Variants in LRRC49 observed in about 807,000 individuals in gnomAD.
LRRC49 encodes the protein leucine rich repeat containing 49, also known as leucine-rich repeat-containing protein 49.
Under a neutral mutation model 83.3 loss-of-function variants are expected in LRRC49, and 50 were observed. That is an observed-to-expected ratio of 0.60 (90% CI 0.48 to 0.76). The LOEUF (loss-of-function observed/expected upper bound fraction) is 0.76. Among genes scored for constraint, LRRC49 ranks in the 30% least tolerant of loss-of-function variants. The pLI is 0.00. For synonymous variants in LRRC49, 286 were observed against 283.3 expected, an observed-to-expected ratio of 1.01 and a Z score of -0.10; for missense variants, 704 against 809.1, an observed-to-expected ratio of 0.87 and a Z score of 1.58.
In LRRC49 at chr15:70,928,553, T is replaced by A. The variant is rs28679455; in HGVS notation, c.712-8208T>A. On this transcript the variant is annotated intron_variant, in intron 7 of 15. Coordinates refer to ENST00000260382, the MANE Select transcript of LRRC49 (RefSeq NM_017691.5). ...TTTCATTTATTTATTTATTTATTTA[T>A]TTAATTTTCTTTTATTTATTTATTT... Among the ~76,000 whole-genome samples, 1,277 of 151,690 alleles carry A rather than the reference T, an allele frequency of 8.4e-3. 21 individuals carry two copies. Among genetic ancestry groups the A allele is most frequent in the African/African-American group, 0.029 (1,212 of 41,338 alleles).
intron 4 of LRRC49, among the ~76,000 whole-genome samples, chr15:70,902,837 G>A (rs1034942125): frequency 3.9e-5 from 6 of 152,186 alleles, no homozygotes; most frequent in African/African-American, 1.4e-4. Context: ...AGCAACTCAG[G>A]AGTTTTGTAG....
At chr15:71,026,016 T>C (rs576219307) in intron 14 of LRRC49, among the ~76,000 whole-genome samples, 10 of 152,226 alleles carry the variant, frequency 6.6e-5, no homozygotes, top group African/African-American at 2.2e-4. Flanking sequence ...CTGGATCAAG[T>C]GGACCTTATA....
intron 14 of LRRC49, among the ~76,000 whole-genome samples, chr15:71,024,862 AC>A (rs903875933): frequency 1.3e-5 from 2 of 152,158 alleles, no homozygotes; most frequent in African/African-American, 4.8e-5. Context: ...GAACATAGCG[AC>A]CTGATGGAAC....
rs144622028 is a variant in LRRC49 at position 71,028,771 on chromosome 15, C to T, written c.1704-8408C>T. 7.0e-3 allele frequency among the ~76,000 whole-genome samples: 1,064 copies of T among 152,260 alleles called. 13 individuals carry two copies. The highest frequency in any genetic ancestry group is 0.025 in the African/African-American group (1,026 of 41,556). ...TATTCTCTGATGGTAGTTTGTATTT[C>T]TGTGGGATCAGTGGTGAACTCCCCT... On this transcript the variant is annotated intron_variant, in intron 14 of 15. Coordinates refer to ENST00000260382, the MANE Select transcript of LRRC49 (RefSeq NM_017691.5).
At chr15:70,993,709 T>C (rs2037977334) in intron 11 of LRRC49, among the ~76,000 whole-genome samples, 1 of 152,236 alleles carries the variant, frequency 6.6e-6, no homozygotes, top group South Asian at 2.1e-4. Flanking sequence ...ATTTATGAAA[T>C]AATACAGGTC....
chr15:70,974,884 A>G (rs2037151230), intron 9 of LRRC49, among the ~76,000 whole-genome samples: 2 of 152,222 alleles, frequency 1.3e-5, no homozygotes, highest in South Asian at 4.1e-4. Flanking sequence ...AAATAGATGA[A>G]TTGAACATCC....
At chr15:70,874,741 A>C (rs1233996745) in intron 2 of LRRC49, among the ~76,000 whole-genome samples, 1 of 152,252 alleles carries the variant, frequency 6.6e-6, no homozygotes, top group Non-Finnish European at 1.5e-5. Flanking sequence ...TGTGAAAGGA[A>C]TAAGTCTACA....
chr15:71,021,773 A>G (rs2039003462), intron 14 of LRRC49, among the ~76,000 whole-genome samples: 1 of 152,108 alleles, frequency 6.6e-6, no homozygotes, highest in African/African-American at 2.4e-5. Flanking sequence ...TCTGCTCCAC[A>G]TGGTCTCTCA....
chr15:70,918,388 G>A (rs1452124845), intron 6 of LRRC49: 1 of 152,216 alleles, frequency 6.6e-6, no homozygotes, highest in Non-Finnish European at 1.5e-5. Flanking sequence ...ACACCCCAAA[G>A]ATCCTGTAAC....
intron 7 of LRRC49, among the ~76,000 whole-genome samples, chr15:70,926,810 T>C (rs1273858676): frequency 1.3e-5 from 2 of 152,038 alleles, no homozygotes; most frequent in Admixed American, 6.6e-5. Context: ...AGAATGATGG[T>C]TTAAATTTTT....
chr15:70,933,737 T>C (rs2035497501), intron 7 of LRRC49, among the ~76,000 whole-genome samples: 1 of 152,204 alleles, frequency 6.6e-6, no homozygotes, highest in African/African-American at 2.4e-5. Flanking sequence ...CTTGGGGTTC[T>C]GGTTTAGGGT....
intron 9 of LRRC49, among the ~76,000 whole-genome samples, chr15:70,964,530 T>C: frequency 6.6e-6 from 1 of 152,168 alleles, no homozygotes; most frequent in Admixed American, 6.6e-5. Flanking sequence ...TACCTCTTTT[T>C]ATTCATCGTA....
intron 6 of LRRC49, among the ~76,000 whole-genome samples, chr15:70,913,367 A>T (rs1258486582): frequency 6.6e-6 from 1 of 152,120 alleles, no homozygotes; most frequent in Non-Finnish European, 1.5e-5. Context: ...GTTCAGCCTG[A>T]TGTGTTTGTC....
chr15:70,891,618 T>A (rs58441961), upstream of LRRC49, among the ~76,000 whole-genome samples: 698 of 127,654 alleles, frequency 5.5e-3, 23 homozygotes, highest in East Asian at 0.11. Flanking sequence ...TGTGTGTGTG[T>A]GAGTTTTGGG....
chr15:71,037,373 T>A, intron 15 of LRRC49, 41 bp downstream of exon 15: 2 of 1,502,132 alleles, frequency 1.3e-6, no homozygotes. Context: ...TGCCAGGATA[T>A]ATCCCACATG....
At chr15:70,914,501 A>T (rs901429294) in intron 6 of LRRC49, among the ~76,000 whole-genome samples, 6 of 152,222 alleles carry the variant, frequency 3.9e-5, no homozygotes, top group African/African-American at 1.4e-4. Context: ...GTTGGGAGAA[A>T]CTAATTACAA....
intron 1 of LRRC49, among the ~76,000 whole-genome samples, chr15:70,862,162 T>C (rs1350429126): frequency 2.6e-5 from 4 of 152,174 alleles, no homozygotes; most frequent in Non-Finnish European, 1.5e-5. Context: ...TGGTCCTCCA[T>C]TCCCCAGGAA....
chr15:70,853,930 GC>G, intron 1 of LRRC49: 1 of 1,418,406 alleles, frequency 7.1e-7, no homozygotes, highest in Non-Finnish European at 9.3e-7. Context: ...CGCTGCCCCA[GC>G]CGGGGCTGAG....
chr15:71,020,150 T>G (rs1191971877), intron 14 of LRRC49, among the ~76,000 whole-genome samples: 5 of 152,144 alleles, frequency 3.3e-5, no homozygotes, highest in Middle Eastern at 3.4e-3. Flanking sequence ...CCAAAAGAAA[T>G]TATATAAATG....
Sources: allele counts gnomAD v4.1 joint callset (sites outside exome capture counted in the v4.1 genomes callset), GRCh38; gene constraint gnomAD v4.1.1; transcripts MANE v1.5; gene names NCBI Gene and HGNC (gene_info 2026-07-23, HGNC 2026-07-21).